The following WAC variants were observed in gnomAD, a reference collection of about 807,000 sequenced individuals.
WAC encodes the protein WW domain containing adaptor with coiled-coil, also known as WW domain-containing adapter protein with coiled-coil.
WAC carries 11 observed loss-of-function variants against 79.6 expected under a neutral mutation model. The ratio of observed to expected loss-of-function variants is 0.14; its 90% CI spans 0.09 to 0.23. The LOEUF is 0.23. Among genes scored for constraint, WAC ranks in the 10% least tolerant of loss-of-function variants. The pLI is 1.00. For missense variants in WAC, 728 were observed against 773.5 expected (o/e 0.94, Z 0.70); for synonymous variants, 304 against 276.9 (o/e 1.10, Z -0.97).
intron 6 of WAC, chr10:28,591,095 T>C: frequency 2.8e-6 from 1 of 354,060 alleles, no homozygotes; most frequent in Non-Finnish European, 5.2e-6. Context: ...AATTTTGTTT[T>C]GGATTGGTTT....
At chr10:28,556,946 A>G (rs1838031328) in intron 3 of WAC, among the ~76,000 whole-genome samples, 1 of 151,892 alleles carries the variant, frequency 6.6e-6, no homozygotes, top group Non-Finnish European at 1.5e-5. Context: ...TACTTTTTTT[A>G]TTATTACCAT....
intron 3 of WAC, 116 bp from the exon 4 acceptor site, chr10:28,583,283 T>G (rs760463412): frequency 1.8e-4 from 125 of 706,418 alleles, no homozygotes; most frequent in Non-Finnish European, 2.5e-4. Flanking sequence ...TTCCTAATGC[T>G]TATGTAAGAT....
At chr10:28,549,058 C>G (rs913821) in intron 3 of WAC, among the ~76,000 whole-genome samples, 84,753 of 152,040 alleles carry the variant, frequency 0.56, 24,019 homozygotes, top group East Asian at 0.67. Flanking sequence ...GCTGCCACTT[C>G]TGGCTAATTT....
chr10:28,566,352 G>C (rs557469998), intron 3 of WAC, among the ~76,000 whole-genome samples: 1 of 152,244 alleles, frequency 6.6e-6, no homozygotes, highest in South Asian at 2.1e-4. Context: ...TATATTTTGA[G>C]TAAATATTTA....
intron 3 of WAC, among the ~76,000 whole-genome samples, chr10:28,538,762 G>T (rs1836829016): frequency 6.7e-6 from 1 of 149,796 alleles, no homozygotes; most frequent in African/African-American, 2.5e-5. Context: ...GATTAGCTGG[G>T]TGTGGTGGGA....
chr10:28,592,513 C>T (rs994352890), intron 6 of WAC, among the ~76,000 whole-genome samples: 58 of 152,034 alleles, frequency 3.8e-4, no homozygotes, highest in Middle Eastern at 3.4e-3. Flanking sequence ...CCCAGCCACT[C>T]GGAAGGCTGA....
intron 5 of WAC, 125 bp downstream of exon 5, chr10:28,589,976 C>G: frequency 1.5e-6 from 1 of 660,960 alleles, no homozygotes; most frequent in East Asian, 3.0e-5. Context: ...TTTTTAGTTG[C>G]GGTGGTTGGT....
rs1841614581 is a variant in WAC, at chr10:28,619,447, T to G, written c.1875-90T>G. 5.3e-5 allele frequency: 53 copies of G among 991,636 alleles called. No individual in the cohort carries two copies. In the South Asian group the frequency reaches 9.5e-4, roughly 18 times the overall value. The allele number at this position is 991,636 out of a possible 1,614,324, so 61.4% of individuals were successfully genotyped here. On this transcript the variant is annotated intron_variant, in intron 13 of 13. Coordinates refer to ENST00000354911, the MANE Select transcript of WAC (RefSeq NM_016628.5). ...TTGCCTTAATTAGAAATCACTTGTT[T>G]TAATTTAAAAAATTTTAATTATAAA...
chr10:28,607,324 G>T (rs997224143), intron 7 of WAC, among the ~76,000 whole-genome samples: 15 of 152,148 alleles, frequency 9.9e-5, no homozygotes, highest in Admixed American at 2.6e-4. Flanking sequence ...ATTTGGCAGG[G>T]CATGTCCTGC....
At chr10:28,606,660 G>A (rs1340829373) in intron 7 of WAC, among the ~76,000 whole-genome samples, 1 of 152,138 alleles carries the variant, frequency 6.6e-6, no homozygotes, top group Non-Finnish European at 1.5e-5. Flanking sequence ...TGCTAGTACT[G>A]TATATATGAT....
intron 3 of WAC, among the ~76,000 whole-genome samples, chr10:28,575,441 A>C (rs1839192662): frequency 6.6e-6 from 1 of 152,222 alleles, no homozygotes; most frequent in Non-Finnish European, 1.5e-5. Flanking sequence ...TTACTTTCAC[A>C]TTAGCAGTTT....
chr10:28,541,042 T>A (rs1241492675), intron 3 of WAC, among the ~76,000 whole-genome samples: 1 of 152,212 alleles, frequency 6.6e-6, no homozygotes, highest in East Asian at 1.9e-4. Flanking sequence ...GTTTATAATT[T>A]AATGGTATTT....
intron 6 of WAC, among the ~76,000 whole-genome samples, chr10:28,594,606 A>G (rs1287370116): frequency 2.0e-5 from 3 of 152,122 alleles, no homozygotes; most frequent in African/African-American, 7.2e-5. Context: ...GTGGTGTACC[A>G]TGTAGTGGTT....
chr10:28,594,287 A>C (rs991462974), intron 6 of WAC, among the ~76,000 whole-genome samples: 1 of 152,230 alleles, frequency 6.6e-6, no homozygotes, highest in Non-Finnish European at 1.5e-5. Context: ...TGGTTGAGGA[A>C]ATAAAAATTG....
chr10:28,575,105 A>C (rs751225902), intron 3 of WAC, among the ~76,000 whole-genome samples: 1 of 152,088 alleles, frequency 6.6e-6, no homozygotes, highest in Non-Finnish European at 1.5e-5. Context: ...TCCTGTTTTT[A>C]AGTTTTTGTT....
chr10:28,555,128 C>T (rs796547910), intron 3 of WAC, among the ~76,000 whole-genome samples: 3 of 152,138 alleles, frequency 2.0e-5, no homozygotes, highest in African/African-American at 7.2e-5. Context: ...TCTTGAGCCT[C>T]CTCCTTAACC....
chr10:28,614,934 G>A (rs1002411887), intron 11 of WAC: 12 of 295,566 alleles, frequency 4.1e-5, no homozygotes, highest in Non-Finnish European at 5.6e-5. Flanking sequence ...GGAATATGAC[G>A]GGGCTAAAGA....
chr10:28,565,817 C>T (rs905815251), intron 3 of WAC, among the ~76,000 whole-genome samples: 1 of 152,186 alleles, frequency 6.6e-6, no homozygotes, highest in Admixed American at 6.5e-5. Flanking sequence ...TACTGTATAA[C>T]AAATACACTT....
chr10:28,562,610 CAT>C (rs534238580), intron 3 of WAC, among the ~76,000 whole-genome samples: 129 of 152,224 alleles, frequency 8.5e-4, no homozygotes, highest in African/African-American at 2.9e-3. Flanking sequence ...ATTTTCAGAA[CAT>C]ATTTTTATGA....
Sources: gnomAD v4.1 joint callset for allele counts (sites outside exome capture counted in the v4.1 genomes callset) on GRCh38, gnomAD v4.1.1 for gene constraint, MANE v1.5 for transcripts, NCBI Gene and HGNC (gene_info 2026-07-23, HGNC 2026-07-21) for gene names.